The following RGS22 variants were observed in gnomAD, a reference collection of about 807,000 sequenced individuals.
RGS22 encodes the protein regulator of G-protein signaling 22.
RGS22 carries 148 observed loss-of-function variants against 172.9 expected under a neutral mutation model. That is an observed-to-expected ratio of 0.86 (90% confidence interval 0.75 to 0.98). RGS22 has a LOEUF of 0.98. Ranked by LOEUF, RGS22 falls within the 50% of genes least tolerant of loss-of-function variation. RGS22 has a pLI of 0.00. For missense variants in RGS22, 1,347 were observed against 1,440.8 expected (o/e 0.93, Z 1.05); for synonymous variants, 458 against 480.2 (o/e 0.95, Z 0.60).
At chr8:100,008,290 G>A (rs1815958555) in intron 15 of RGS22, 85 bp downstream of exon 15, 11 of 1,280,248 alleles carry the variant, frequency 8.6e-6, no homozygotes, top group Middle Eastern at 1.9e-4. Context: ...CACCCGCCTC[G>A]GCCTCCCAAA....
At chr8:100,035,438 C>G (rs908998780) in intron 14 of RGS22, among the ~76,000 whole-genome samples, 2 of 152,102 alleles carry the variant, frequency 1.3e-5, no homozygotes, top group Admixed American at 6.5e-5. Flanking sequence ...GAATGGCGTT[C>G]ATTAAAAAGC....
At chr8:100,046,838 T>C (rs1381521288) in intron 11 of RGS22, among the ~76,000 whole-genome samples, 1 of 151,708 alleles carries the variant, frequency 6.6e-6, no homozygotes, top group Non-Finnish European at 1.5e-5. Flanking sequence ...TTTTTTTAGA[T>C]GGCGCCTCAC....
At position 100,002,226 on chromosome 8, in the gene RGS22, T is replaced by C; in HGVS notation, c.2766A>G (p.Pro922=). 7 of 1,598,610 alleles carry C rather than the reference T, an allele frequency of 4.4e-6. No individual in the cohort carries two copies. The East Asian group carries it at 1.1e-4, about 26-fold the overall frequency. Reference sequence around the variant, plus strand: ...CCTGGTTCTGCTGATACAGAGAAGCTGGACTGTTGGGTCCAAAGAAATATT... The same window carrying C: ...CCTGGTTCTGCTGATACAGAGAAGCCGGACTGTTGGGTCCAAAGAAATATT... ...NKKYFFGPNS[P]ASLYQQNQVM... Residue 922 remains proline, a synonymous_variant, in exon 18 of 28, where the codon CCA becomes CCG. Transcript: ENST00000360863.
chr8:99,979,037 T>C (rs929738583), intron 22 of RGS22, among the ~76,000 whole-genome samples: 4 of 152,240 alleles, frequency 2.6e-5, no homozygotes, highest in Admixed American at 6.5e-5. Context: ...AGTTTTGTTA[T>C]TGAATTCTAT....
chr8:100,068,649 T>C (rs1181363627), intron 6 of RGS22, among the ~76,000 whole-genome samples: 1 of 152,068 alleles, frequency 6.6e-6, no homozygotes, highest in Non-Finnish European at 1.5e-5. Context: ...GGAAAAAATA[T>C]GGCCAGGCAT....
chr8:100,069,921 G>T (rs1168395376), intron 6 of RGS22, among the ~76,000 whole-genome samples: 1 of 151,172 alleles, frequency 6.6e-6, no homozygotes. Flanking sequence ...CCAGCTACTC[G>T]GAAGGCTGAG....
intron 14 of RGS22, among the ~76,000 whole-genome samples, chr8:100,013,912 A>G (rs1341535537): frequency 6.6e-6 from 1 of 152,198 alleles, no homozygotes; most frequent in Non-Finnish European, 1.5e-5. Flanking sequence ...TACTAAAAAC[A>G]TAATGACTGA....
chr8:99,966,737 G>A (rs1810776267), intron 23 of RGS22, among the ~76,000 whole-genome samples: 1 of 152,152 alleles, frequency 6.6e-6, no homozygotes, highest in Non-Finnish European at 1.5e-5. Context: ...TAAAATGAGA[G>A]TTTCAATGTA....
intron 2 of RGS22, among the ~76,000 whole-genome samples, chr8:100,103,644 CAG>C (rs934028290): frequency 2.7e-5 from 4 of 149,658 alleles, no homozygotes; most frequent in African/African-American, 9.8e-5. Context: ...TCCCACGAAA[CAG>C]GGGTACTGAA....
rs1814758252 is a variant in RGS22 at position 99,999,393 on chromosome 8, T to TC, written c.2817dup (p.Lys940GlufsTer5). ...GCATCAAGCTGCTCATGAAGAATCT[T>TC]CCCCCAGCCACCACTTAAATGCATT... On this transcript the variant is annotated frameshift_variant, in exon 19 of 28. Transcript: ENST00000360863. LOFTEE classifies it high-confidence loss of function. 6.2e-7 allele frequency: 1 copy of TC among 1,613,560 alleles called. No individual in the cohort carries two copies. The highest frequency in any genetic ancestry group is 1.3e-5 in the African/African-American group (1 of 74,854).
At chr8:100,070,918 G>T (rs1168708298) in intron 6 of RGS22, among the ~76,000 whole-genome samples, 1 of 150,704 alleles carries the variant, frequency 6.6e-6, no homozygotes, top group Non-Finnish European at 1.5e-5. Flanking sequence ...AAATCTATAA[G>T]AAGTATTGCT....
intron 23 of RGS22, among the ~76,000 whole-genome samples, chr8:99,977,012 C>CAATG (rs1031833561): frequency 5.2e-4 from 79 of 151,966 alleles, no homozygotes; most frequent in African/African-American, 1.8e-3. Flanking sequence ...AGAAAGAGAC[C>CAATG]AATGAATGAA....
At position 100,038,840 on chromosome 8, in the gene RGS22, G is replaced by A. The variant is rs190864988; in HGVS notation, c.2166+91C>T. The A allele has an allele frequency of 5.2e-4, 326 of 622,376 alleles. 1 individual carries two copies. In the Middle Eastern group the frequency reaches 9.4e-3, roughly 18 times the overall value. The allele number at this position is 622,376 out of a possible 1,614,324, so 38.6% of individuals were successfully genotyped here. On this transcript the variant is annotated intron_variant, in intron 14 of 27. Transcript: ENST00000360863. ...ATTTAATTGCTGCCTTTTTGCCTGC[G>A]ATCCCAGATTTCTCGTTTGGGACTG...
At chr8:99,996,061 C>T (rs997196462) in intron 20 of RGS22, among the ~76,000 whole-genome samples, 5 of 116,162 alleles carry the variant, frequency 4.3e-5, no homozygotes, top group South Asian at 5.9e-4. Context: ...AATTGAACAA[C>T]GGGATCACTT....
At chr8:100,080,420 G>T in intron 3 of RGS22, 65 bp from the exon 4 acceptor site, 1 of 1,207,276 alleles carries the variant, frequency 8.3e-7, no homozygotes, top group Non-Finnish European at 1.2e-6. Context: ...TCTCTAAGAA[G>T]ACTTGTGGTT....
rs1292272798 is a variant in RGS22 at position 99,962,934 on chromosome 8, C to G, written c.3660G>C (p.Glu1220Asp). ...CTTCTTGGATCTTAAGAAGAATTCT[C>G]TCCTGTTCTAAGGCTTCTATATACT... ...YSKYIEALEQERILLKIQEEL... is the reference protein window; with the variant it reads ...YSKYIEALEQDRILLKIQEEL... Residue 1220 changes from glutamate to aspartate, a missense_variant, in exon 25 of 28, where the codon GAG (glutamate) becomes GAC (aspartate). Transcript: ENST00000360863. 4 of 1,600,240 alleles carry G rather than the reference C, an allele frequency of 2.5e-6. No individual in the cohort carries two copies. The East Asian group carries it at 8.9e-5, about 36-fold the overall frequency.
intron 20 of RGS22, among the ~76,000 whole-genome samples, chr8:99,995,109 A>C (rs28765982): frequency 0.18 from 26,796 of 152,108 alleles, 2,493 homozygotes; most frequent in South Asian, 0.23. Flanking sequence ...TTATACAAAA[A>C]TTAATTCAAG....
chr8:100,101,347 C>T (rs1412724046), intron 2 of RGS22, among the ~76,000 whole-genome samples: 2 of 148,760 alleles, frequency 1.3e-5, no homozygotes, highest in Non-Finnish European at 3.0e-5. Context: ...AGTGTGGTGG[C>T]GTGATCTCAG....
intron 22 of RGS22, 70 bp downstream of exon 22, chr8:99,981,867 G>C: frequency 7.0e-6 from 10 of 1,430,352 alleles, no homozygotes; most frequent in Non-Finnish European, 8.5e-6. Context: ...TGGCCCAAAA[G>C]GATATCTATC....
Sources: gnomAD v4.1 joint callset for allele counts (sites outside exome capture counted in the v4.1 genomes callset) on GRCh38, gnomAD v4.1.1 for gene constraint, MANE v1.5 for transcripts, NCBI Gene and HGNC (gene_info 2026-07-23, HGNC 2026-07-21) for gene names.